MRE11: variants seen among roughly 807,000 people sequenced by gnomAD.
MRE11 encodes MRE11 double strand break repair nuclease.
A neutral mutation model predicts 91.7 loss-of-function variants in MRE11; 62 were observed. The observed-to-expected ratio is 0.68, with a 90% CI of 0.55 to 0.84. The LOEUF is 0.84. MRE11 is among the 40% of genes least tolerant of loss of function. The pLI, the probability that MRE11 is intolerant of heterozygous loss-of-function variation, is 0.00. For synonymous variants in MRE11, 273 were observed against 271.4 expected (o/e 1.01, Z -0.06); for missense variants, 796 against 852.9 (o/e 0.93, Z 0.83).
rs375261439 is a variant in MRE11, at chr11:94,459,446, G to A, written c.1462C>T (p.Arg488Cys). 109 of 1,613,930 alleles carry A rather than the reference G, an allele frequency of 6.8e-5. No homozygotes were observed. The highest frequency in any genetic ancestry group is 1.6e-4 in the East Asian group (7 of 44,856). ...LEKTQRFLKE[R>C]HIDALEDKID... ...TTGTCTTCGAGGGCATCAATATGAC[G>A]TTCTTTAAGAAATCGCTGTGTTTTT... Residue 488 changes from arginine to cysteine, a missense_variant, in exon 13 of 20, where the codon CGT (arginine) becomes TGT (cysteine). Physicochemically the swap from Arg to Cys is radical, Grantham distance 180. Transcript: ENST00000323929.
chr11:94,453,123 CAG>C (rs1387197013), intron 14 of MRE11, among the ~76,000 whole-genome samples: 4 of 151,856 alleles, frequency 2.6e-5, no homozygotes, highest in Non-Finnish European at 5.9e-5. Flanking sequence ...ATAATGTTTT[CAG>C]AGTTTCATCC....
At chr11:94,480,193 T>C (rs1303611031) in intron 4 of MRE11, among the ~76,000 whole-genome samples, 1 of 152,186 alleles carries the variant, frequency 6.6e-6, no homozygotes, top group Admixed American at 6.5e-5. Flanking sequence ...TGTCAGCCCC[T>C]GCCCCCAGCC....
intron 16 of MRE11, among the ~76,000 whole-genome samples, chr11:94,443,761 A>T (rs546639999): frequency 6.6e-6 from 1 of 152,292 alleles, no homozygotes; most frequent in African/African-American, 2.4e-5. Context: ...TCAGATTTTT[A>T]GAGAATCCAT....
rs184950980 is a variant in MRE11, at chr11:94,483,854, T to C, written c.314+2070A>G. 2.6e-4 allele frequency: 39 copies of C among 151,788 alleles called. 1 individual carries two copies. Among genetic ancestry groups the C allele is most frequent in the Admixed American group, 2.3e-3 (35 of 15,232 alleles). The allele number at this position is 151,788 out of a possible 1,614,324, so 9.4% of individuals were successfully genotyped here. On this transcript the variant is annotated intron_variant, in intron 4 of 19. Coordinates refer to ENST00000323929, the MANE Select transcript of MRE11 (RefSeq NM_005591.4). Reference sequence around the variant, plus strand: ...CCAGACCCTGTCTCAAAAGCAAAAATTAAATAAATAAATAAATAAATAAAT... The same window carrying C: ...CCAGACCCTGTCTCAAAAGCAAAAACTAAATAAATAAATAAATAAATAAAT...
Position 94,458,683 on chromosome 11 carries a change from T to C in MRE11, c.1500+725A>G, listed in dbSNP as rs117503744. On this transcript the variant is annotated intron_variant, in intron 13 of 19. Coordinates refer to ENST00000323929, the MANE Select transcript of MRE11 (RefSeq NM_005591.4). The stretch of plus-strand genomic sequence containing the variant: ...TAAAGCTATTCAAACGTAATACTAC[T>C]ACCAGCAGTGTGCTAGATACTATTT... 1.9e-3 allele frequency among the ~76,000 whole-genome samples: 289 copies of C among 152,264 alleles called. 4 individuals are homozygous for C. Among genetic ancestry groups the C allele is most frequent in the East Asian group, 0.019 (97 of 5,180 alleles).
intron 18 of MRE11, 95 bp from the exon 19 acceptor site, chr11:94,430,081 G>A (rs1591634134): frequency 1.9e-5 from 22 of 1,133,506 alleles, no homozygotes; most frequent in South Asian, 1.1e-4. Flanking sequence ...CAGCTGCCAC[G>A]AATATAAATA....
intron 6 of MRE11, 137 bp downstream of exon 6, chr11:94,478,598 T>A: frequency 9.9e-7 from 1 of 1,013,262 alleles, no homozygotes; most frequent in East Asian, 2.6e-5. Flanking sequence ...ACCAAAACCA[T>A]CCATCATTTT....
At chr11:94,420,411 C>T (rs1185846193) in intron 19 of MRE11, among the ~76,000 whole-genome samples, 2 of 152,190 alleles carry the variant, frequency 1.3e-5, no homozygotes, top group Admixed American at 6.5e-5. Context: ...ATATAAACCA[C>T]ACACATTTCC....
intron 16 of MRE11, among the ~76,000 whole-genome samples, chr11:94,445,317 T>C (rs1026987829): frequency 7.9e-5 from 12 of 152,250 alleles, no homozygotes; most frequent in Admixed American, 3.3e-4. Context: ...TGTTTTGTTT[T>C]GTTTTGTTTT....
intron 7 of MRE11, among the ~76,000 whole-genome samples, chr11:94,475,869 A>G (rs555722111): frequency 6.6e-6 from 1 of 152,316 alleles, no homozygotes; most frequent in African/African-American, 2.4e-5. Flanking sequence ...TGCTGAACAT[A>G]AGTTGGCTGT....
At chr11:94,498,007 A>C, upstream of MRE11, 1 of 1,273,474 alleles carries the variant, frequency 7.9e-7, no homozygotes, top group Non-Finnish European at 1.1e-6. Context: ...ACCACAAGAC[A>C]ATTTTGTTTT....
At chr11:94,458,490 C>T (rs988114800) in intron 13 of MRE11, among the ~76,000 whole-genome samples, 5 of 152,104 alleles carry the variant, frequency 3.3e-5, no homozygotes, top group Admixed American at 2.6e-4. Context: ...TATGTACCAA[C>T]ATTTATTGTA....
chr11:94,439,545 T>C (rs1945718077), intron 16 of MRE11, among the ~76,000 whole-genome samples: 1 of 152,226 alleles, frequency 6.6e-6, no homozygotes. Context: ...CTGTGATCAG[T>C]ACTGTAAATA....
In MRE11 at chr11:94,418,826, T is replaced by C. The variant is rs1945089438; in HGVS notation, c.*1299A>G. 1 of 231,278 alleles carries C rather than the reference T, an allele frequency of 4.3e-6. No individual in the cohort carries two copies. Among genetic ancestry groups the C allele is most frequent in the African/African-American group, 2.2e-5 (1 of 45,282 alleles). 14.3% of individuals were successfully genotyped at this position (231,278 alleles called of 1,614,324 possible). A position where few individuals can be genotyped will look rare whatever the true frequency, so the allele number is the denominator to read the frequency against. On this transcript the variant is annotated 3_prime_UTR_variant, in exon 20 of 20. Coordinates refer to ENST00000323929, the MANE Select transcript of MRE11 (RefSeq NM_005591.4). ...TTTTAAGAAAGTCAATAGAATGTTATATTGCAAGTTTTGACTTAGGCCTCT... is the reference window on the plus strand; with the variant it reads ...TTTTAAGAAAGTCAATAGAATGTTACATTGCAAGTTTTGACTTAGGCCTCT...
At chr11:94,465,430 C>G (rs1946537717) in intron 10 of MRE11, among the ~76,000 whole-genome samples, 1 of 143,052 alleles carries the variant, frequency 7.0e-6, no homozygotes, top group Non-Finnish European at 1.5e-5. Flanking sequence ...TGGCGTCTCA[C>G]TGTCACCCAG....
chr11:94,463,098 A>C (rs1342039177), intron 11 of MRE11, among the ~76,000 whole-genome samples: 1 of 152,048 alleles, frequency 6.6e-6, no homozygotes, highest in East Asian at 1.9e-4. Flanking sequence ...AAATCAAACA[A>C]CCCCTTCAAA....
chr11:94,508,807 G>A, the MRE11 span, among the ~76,000 whole-genome samples: 8 of 150,740 alleles, frequency 5.3e-5, no homozygotes, highest in Admixed American at 5.3e-4. Context: ...TTTCACCCAG[G>A]CTGGAGTGCA....
chr11:94,475,818 A>T (rs188608824), intron 7 of MRE11, among the ~76,000 whole-genome samples: 1 of 152,354 alleles, frequency 6.6e-6, no homozygotes, highest in Non-Finnish European at 1.5e-5. Flanking sequence ...AGTAAAAATA[A>T]ATTACACATC....
intron 16 of MRE11, among the ~76,000 whole-genome samples, chr11:94,442,813 T>C (rs1945820555): frequency 6.6e-6 from 1 of 152,242 alleles, no homozygotes; most frequent in Non-Finnish European, 1.5e-5. Flanking sequence ...ATTTGTTGAA[T>C]GCAAGGTTGA....
Sources: gnomAD v4.1 joint callset for allele counts (sites outside exome capture counted in the v4.1 genomes callset) on GRCh38, gnomAD v4.1.1 for gene constraint, MANE v1.5 for transcripts, NCBI Gene and HGNC (gene_info 2026-07-23, HGNC 2026-07-21) for gene names.